The following PITPNB variants were observed in gnomAD, a reference collection of about 807,000 sequenced individuals.
The protein encoded by PITPNB is phosphatidylinositol transfer protein beta, also known as phosphatidylinositol transfer protein beta isoform.
PITPNB carries 16 observed loss-of-function variants against 45.9 expected under a neutral mutation model. The ratio of observed to expected loss-of-function variants is 0.35; its 90% CI spans 0.24 to 0.53. The LOEUF (loss-of-function observed/expected upper bound fraction) is 0.53, where lower values mean the gene tolerates loss of function less well. Among genes scored for constraint, PITPNB ranks in the 20% least tolerant of loss-of-function variants. PITPNB has a pLI of 0.93. For synonymous variants in PITPNB, 112 were observed against 108.9 expected (o/e 1.03, Z -0.18); for missense variants, 188 against 330.5 (o/e 0.57, Z 3.34).
At chr22:27,900,766 T>C (rs1487997645) in intron 3 of PITPNB, among the ~76,000 whole-genome samples, 1 of 152,216 alleles carries the variant, frequency 6.6e-6, no homozygotes, top group Non-Finnish European at 1.5e-5. Context: ...TATATATAAT[T>C]GAGAGCATAT....
At chr22:27,860,546 A>C (rs1934295787) in intron 8 of PITPNB, 1 of 222,354 alleles carries the variant, frequency 4.5e-6, no homozygotes, top group South Asian at 7.9e-5. Context: ...TCAAACCAAT[A>C]GTGTCTTTAA....
At chr22:27,908,308 C>G (rs1236417947) in intron 3 of PITPNB, among the ~76,000 whole-genome samples, 1 of 143,470 alleles carries the variant, frequency 7.0e-6, no homozygotes, top group African/African-American at 2.5e-5. Context: ...TAAATATTCT[C>G]AACATCTTAA....
At chr22:27,902,213 C>T (rs866057082) in intron 3 of PITPNB, among the ~76,000 whole-genome samples, 1 of 151,920 alleles carries the variant, frequency 6.6e-6, no homozygotes, top group Admixed American at 6.6e-5. Flanking sequence ...TCCAAGGGTA[C>T]GGAGGCAGGG....
chr22:27,911,621 C>T (rs1215552940), intron 2 of PITPNB, among the ~76,000 whole-genome samples: 1 of 152,080 alleles, frequency 6.6e-6, no homozygotes, highest in Non-Finnish European at 1.5e-5. Flanking sequence ...TCCAAAGAAA[C>T]ATAATAGATA....
chr22:27,885,288 T>C (rs1285702399), intron 7 of PITPNB, among the ~76,000 whole-genome samples: 1 of 144,274 alleles, frequency 6.9e-6, no homozygotes, highest in African/African-American at 2.6e-5. Flanking sequence ...TTTGTGTATA[T>C]TTTGGAAATG....
intron 3 of PITPNB, among the ~76,000 whole-genome samples, chr22:27,899,411 A>C (rs1569028265): frequency 6.6e-6 from 1 of 151,970 alleles, no homozygotes; most frequent in Non-Finnish European, 1.5e-5. Context: ...TGCAAGCTCC[A>C]CTTTGGGTTC....
intron 7 of PITPNB, among the ~76,000 whole-genome samples, chr22:27,891,438 A>G (rs1935275786): frequency 6.6e-6 from 1 of 152,220 alleles, no homozygotes; most frequent in African/African-American, 2.4e-5. Flanking sequence ...AACTGGAGCT[A>G]ATAATAATGA....
chr22:27,877,995 T>C (rs775521388), intron 7 of PITPNB, among the ~76,000 whole-genome samples: 11 of 152,168 alleles, frequency 7.2e-5, no homozygotes, highest in Non-Finnish European at 1.0e-4. Flanking sequence ...TGGGCAAACA[T>C]AAAAGCTTGA....
chr22:27,910,749 A>C, intron 3 of PITPNB: 1 of 450,522 alleles, frequency 2.2e-6, no homozygotes, highest in South Asian at 4.0e-5. Context: ...GGCAAGGAGC[A>C]GGGACTAAGT....
At position 27,858,438 on chromosome 22, in the gene PITPNB, C is replaced by T. The variant is rs771019245; in HGVS notation, c.717G>A (p.Thr239=). 6.2e-6 allele frequency: 10 copies of T among 1,609,206 alleles called. No individual in the cohort carries two copies. Among genetic ancestry groups the T allele is most frequent in the Middle Eastern group, 1.6e-4 (1 of 6,070 alleles). ...CTTCCATTCTCCTAATGTCTTCCATCGTGAGATCGATCCACTTGTCAATCC... is the reference window on the plus strand; with the variant it reads ...CTTCCATTCTCCTAATGTCTTCCATTGTGAGATCGATCCACTTGTCAATCC... The part of the protein sequence containing the change: ...FCWIDKWIDL[T]MEDIRRMEDE... The change falls in exon 10 of 12, where the codon ACG becomes ACA. Residue 239 remains threonine, a synonymous_variant. Transcript: ENST00000335272.
At position 27,910,944 on chromosome 22, in the gene PITPNB, CA is replaced by C. The variant is rs1935902808; in HGVS notation, c.197+19del. On this transcript the variant is annotated intron_variant, in intron 3 of 11. Coordinates refer to ENST00000335272, the MANE Select transcript of PITPNB (RefSeq NM_012399.5). ...AGTAAGCCAGGTAGTTACAAGGCGT[CA>C]AATGTGAACACCGCTTACCTCTTTA... 6.2e-7 allele frequency: 1 copy of C among 1,603,700 alleles called. No homozygotes were observed. The highest frequency in any genetic ancestry group is 2.2e-5 in the East Asian group (1 of 44,780).
chr22:27,858,105 T>TAGTGTGTA (rs1934223195), intron 10 of PITPNB, among the ~76,000 whole-genome samples: 1 of 152,192 alleles, frequency 6.6e-6, no homozygotes, highest in African/African-American at 2.4e-5. Context: ...GAACTAAAGC[T>TAGTGTGTA]AGTGTGTAAG....
At chr22:27,904,130 A>G (rs1041285210) in intron 3 of PITPNB, among the ~76,000 whole-genome samples, 4 of 152,252 alleles carry the variant, frequency 2.6e-5, no homozygotes, top group African/African-American at 4.8e-5. Flanking sequence ...ACAGCAATAT[A>G]TATCTCCAAG....
intron 8 of PITPNB, among the ~76,000 whole-genome samples, chr22:27,869,339 T>C (rs1934580798): frequency 6.6e-6 from 1 of 152,208 alleles, no homozygotes; most frequent in African/African-American, 2.4e-5. Context: ...TCTGGGTTTG[T>C]AGTTTTTTAA....
chr22:27,893,832 C>T (rs1194559755), intron 7 of PITPNB, among the ~76,000 whole-genome samples: 1 of 152,072 alleles, frequency 6.6e-6, no homozygotes, highest in Non-Finnish European at 1.5e-5. Flanking sequence ...CTCAAGCAAT[C>T]CTCCCTCCTT....
chr22:27,894,942 C>T (rs1935393100), intron 6 of PITPNB, among the ~76,000 whole-genome samples: 1 of 152,146 alleles, frequency 6.6e-6, no homozygotes. Flanking sequence ...GAGACCTATG[C>T]TTAATCCAAA....
chr22:27,854,862 A>G lies in PITPNB; in HGVS notation c.*30T>C. ...CCCAGGTCTTCACTTACACAGTTTG[A>G]CATTGTCTCTGACCCTACAGGGGAC... On this transcript the variant is annotated 3_prime_UTR_variant, in exon 11 of 12. Transcript: ENST00000335272. 1 of 1,607,742 alleles carries G rather than the reference A, an allele frequency of 6.2e-7. No individual in the cohort carries two copies. Among genetic ancestry groups the G allele is most frequent in the Non-Finnish European group, 8.5e-7 (1 of 1,174,466 alleles).
intron 7 of PITPNB, among the ~76,000 whole-genome samples, chr22:27,880,173 G>A (rs1424322955): frequency 6.6e-6 from 1 of 152,160 alleles, no homozygotes; most frequent in Non-Finnish European, 1.5e-5. Context: ...CTGAGCAGAA[G>A]AGCCAGGACT....
intron 6 of PITPNB, 94 bp downstream of exon 6, chr22:27,896,458 C>A (rs1448299362): frequency 2.4e-6 from 2 of 849,620 alleles, no homozygotes; most frequent in Non-Finnish European, 4.0e-6. Flanking sequence ...GTCAGATACA[C>A]AGGTGACATT....
Sources: allele counts gnomAD v4.1 joint callset (sites outside exome capture counted in the v4.1 genomes callset), GRCh38; gene constraint gnomAD v4.1.1; transcripts MANE v1.5; gene names NCBI Gene and HGNC (gene_info 2026-07-23, HGNC 2026-07-21).